PAPSS2: variants seen among roughly 807,000 people sequenced by gnomAD.
PAPSS2 encodes bifunctional 3'-phosphoadenosine 5'-phosphosulfate synthase 2.
In PAPSS2, 61 loss-of-function variants were observed where a neutral mutation model predicts 66.5. That is an observed-to-expected ratio of 0.92 (90% CI 0.75 to 1.14). The LOEUF is 1.14. Ranked by LOEUF, PAPSS2 falls within the 50% of genes most tolerant of loss-of-function variation. The probability of loss-of-function intolerance (pLI) is 0.00; values close to 1 mark genes in which losing one functional copy is unlikely to be tolerated. For missense variants in PAPSS2, 708 were observed against 789.6 expected, an observed-to-expected ratio of 0.90 and a Z score of 1.24; for synonymous variants, 289 against 287.5, an observed-to-expected ratio of 1.01 and a Z score of -0.05.
At chr10:87,715,980 G>T in intron 7 of PAPSS2, 137 bp downstream of exon 7, 1 of 704,648 alleles carries the variant, frequency 1.4e-6, no homozygotes. Flanking sequence ...TTTACAGTGT[G>T]CTCCATTCTA....
chr10:87,706,106 ATATGTGTGTGTGTG>A (rs1456995801), intron 1 of PAPSS2, among the ~76,000 whole-genome samples: 5 of 85,278 alleles, frequency 5.9e-5, no homozygotes, highest in African/African-American at 2.7e-4. Flanking sequence ...ATATATATAT[ATATGTGTGTGTGTG>A]TGTGTGTGTG....
intron 1 of PAPSS2, among the ~76,000 whole-genome samples, chr10:87,681,636 C>T (rs1350999575): frequency 6.6e-6 from 1 of 152,146 alleles, no homozygotes. Context: ...CAACCATGAT[C>T]ACACTCTAAT....
chr10:87,693,310 A>T (rs554698926), intron 1 of PAPSS2, among the ~76,000 whole-genome samples: 1 of 152,192 alleles, frequency 6.6e-6, no homozygotes, highest in Non-Finnish European at 1.5e-5. Context: ...GGTCTTTCTT[A>T]GCCTTAGGAA....
intron 7 of PAPSS2, among the ~76,000 whole-genome samples, chr10:87,717,658 A>T (rs1853548530): frequency 6.6e-6 from 1 of 151,826 alleles, no homozygotes; most frequent in African/African-American, 2.4e-5. Flanking sequence ...GAACTCCTGA[A>T]TTCAAGCAAT....
Position 87,744,016 on chromosome 10 carries a change from C to T in PAPSS2, c.1491+375C>T, listed in dbSNP as rs559022350. Among the ~76,000 whole-genome samples, 7 of 152,100 alleles carry T rather than the reference C, an allele frequency of 4.6e-5. No homozygotes were observed. The South Asian group carries it at 1.0e-3, about 23-fold the overall frequency. ...ACTCGGGAAGCTGAGGCAGGAGAAT[C>T]GCTTGAACCTGGGAGGTGGAGGTTG... On this transcript the variant is annotated intron_variant, in intron 11 of 12. Transcript: ENST00000456849.
At chr10:87,736,276 T>C (rs1853799553) in intron 9 of PAPSS2, among the ~76,000 whole-genome samples, 1 of 145,950 alleles carries the variant, frequency 6.9e-6, no homozygotes, top group Non-Finnish European at 1.5e-5. Context: ...TTTTTTTTTT[T>C]TTTTTTTTTG....
chr10:87,728,569 G>A (rs539425721), intron 9 of PAPSS2, among the ~76,000 whole-genome samples: 36 of 152,182 alleles, frequency 2.4e-4, no homozygotes, highest in Admixed American at 7.2e-4. Context: ...GTGAAACCCC[G>A]TCTCTACTAA....
intron 1 of PAPSS2, among the ~76,000 whole-genome samples, chr10:87,667,801 A>C (rs1852832016): frequency 6.6e-6 from 1 of 152,248 alleles, no homozygotes; most frequent in Non-Finnish European, 1.5e-5. Flanking sequence ...AAACAGTTAC[A>C]TAAATATATT....
chr10:87,732,312 A>G (rs1853740029), intron 9 of PAPSS2, among the ~76,000 whole-genome samples: 1 of 152,180 alleles, frequency 6.6e-6, no homozygotes, highest in Admixed American at 6.5e-5. Context: ...GTTTCAGCCC[A>G]GGAGTTTGAG....
chr10:87,714,745 G>A lies in PAPSS2; in HGVS notation c.521G>A (p.Gly174Glu). Residue 174 changes from glycine (G) to glutamate (E), a missense_variant and splice_region_variant, in exon 5 of 13, where the codon GGA becomes GAA. Physicochemically the swap from Gly to Glu is moderately conservative, Grantham distance 98 (BLOSUM62 -2). Coordinates refer to ENST00000456849, the MANE Select transcript of PAPSS2 (RefSeq NM_001015880.2). Reference protein sequence around the residue: ...YKRARAGEIKGFTGIDSDYEK... With the variant: ...YKRARAGEIKEFTGIDSDYEK... Reference sequence around the variant, plus strand: ...TGATTGTCACCCATATGCTTTGCAGGATTTACAGGTATTGATTCTGATTAT... The same window carrying A: ...TGATTGTCACCCATATGCTTTGCAGAATTTACAGGTATTGATTCTGATTAT... 1.3e-6 allele frequency: 2 copies of A among 1,563,470 alleles called. No individual in the cohort carries two copies. The highest frequency in any genetic ancestry group is 8.8e-7 in the Non-Finnish European group (1 of 1,134,034).
chr10:87,723,738 T>C (rs1162493613), intron 8 of PAPSS2, among the ~76,000 whole-genome samples: 2 of 152,166 alleles, frequency 1.3e-5, no homozygotes, highest in African/African-American at 4.8e-5. Flanking sequence ...GTTTAAAAGG[T>C]GCAAAGTGAT....
At chr10:87,710,498 T>C (rs749938158) in intron 2 of PAPSS2, among the ~76,000 whole-genome samples, 17 of 152,202 alleles carry the variant, frequency 1.1e-4, no homozygotes, top group African/African-American at 9.7e-5. Flanking sequence ...CCTCCTGTTA[T>C]ATGTTTCCCT....
chr10:87,686,657 G>C (rs900111976), intron 1 of PAPSS2, among the ~76,000 whole-genome samples: 13 of 152,182 alleles, frequency 8.5e-5, no homozygotes, highest in Non-Finnish European at 1.0e-4. Context: ...TACAATTTCA[G>C]AACTGGTTGT....
chr10:87,709,387 G>A, intron 2 of PAPSS2, 74 bp downstream of exon 2: 1 of 902,696 alleles, frequency 1.1e-6, no homozygotes, highest in Non-Finnish European at 1.8e-6. Context: ...ATGGAAATTA[G>A]TGTAACGTAT....
chr10:87,732,069 C>A (rs1206573486), intron 9 of PAPSS2, among the ~76,000 whole-genome samples: 1 of 152,086 alleles, frequency 6.6e-6, no homozygotes, highest in Admixed American at 6.5e-5. Flanking sequence ...ATTGATATGA[C>A]CAACTTCATT....
chr10:87,705,427 A>C (rs2131927175), intron 1 of PAPSS2, among the ~76,000 whole-genome samples: 1 of 152,250 alleles, frequency 6.6e-6, no homozygotes, highest in East Asian at 1.9e-4. Flanking sequence ...GACACATTTT[A>C]TTTCTCTTGA....
intron 1 of PAPSS2, among the ~76,000 whole-genome samples, chr10:87,695,503 C>T (rs1436882287): frequency 6.6e-6 from 1 of 152,198 alleles, no homozygotes; most frequent in Non-Finnish European, 1.5e-5. Flanking sequence ...AGTTCTGCTA[C>T]AGAATGTGAC....
chr10:87,671,496 G>A (rs1273274271), intron 1 of PAPSS2, among the ~76,000 whole-genome samples: 1 of 152,154 alleles, frequency 6.6e-6, no homozygotes, highest in African/African-American at 2.4e-5. Context: ...GTGTTCTAGT[G>A]GGTGAATGCA....
At chr10:87,661,140 T>TA in intron 1 of PAPSS2, 1 of 342,142 alleles carries the variant, frequency 2.9e-6, no homozygotes, top group Non-Finnish European at 5.5e-6. Flanking sequence ...GGGGAGAGGT[T>TA]TAAAAAAAAA....
Sources: gnomAD v4.1 joint callset for allele counts (sites outside exome capture counted in the v4.1 genomes callset) on GRCh38, gnomAD v4.1.1 for gene constraint, MANE v1.5 for transcripts, NCBI Gene and HGNC (gene_info 2026-07-23, HGNC 2026-07-21) for gene names.